The following TBC1D5 variants were observed in gnomAD, a reference collection of about 807,000 sequenced individuals.
TBC1D5 encodes TBC1 domain family member 5, also known as TBC1 domain family, member 5.
Under a neutral mutation model 100.3 loss-of-function variants are expected in TBC1D5, and 75 were observed. That is an observed-to-expected ratio of 0.75 (90% CI 0.62 to 0.91). The LOEUF (loss-of-function observed/expected upper bound fraction) is 0.91, where lower values mean the gene tolerates loss of function less well. Among genes scored for constraint, TBC1D5 ranks in the 40% least tolerant of loss-of-function variants. The pLI is 0.00. For missense variants in TBC1D5, 910 were observed against 942.4 expected, an observed-to-expected ratio of 0.97 and a Z score of 0.45; for synonymous variants, 323 against 325.6, an observed-to-expected ratio of 0.99 and a Z score of 0.09.
At chr3:17,189,452 T>C (rs972372955) in intron 18 of TBC1D5, among the ~76,000 whole-genome samples, 2 of 152,168 alleles carry the variant, frequency 1.3e-5, no homozygotes, top group African/African-American at 2.4e-5. Context: ...CAATTGTAAT[T>C]GGTGCCCTAT....
chr3:17,653,174 A>G (rs1326191544), intron 1 of TBC1D5, among the ~76,000 whole-genome samples: 2 of 152,172 alleles, frequency 1.3e-5, no homozygotes, highest in African/African-American at 4.8e-5. Context: ...GGACAGGTGA[A>G]AAATGATTAA....
intron 16 of TBC1D5, among the ~76,000 whole-genome samples, chr3:17,255,908 C>T (rs1166753927): frequency 3.3e-5 from 5 of 152,028 alleles, no homozygotes; most frequent in Non-Finnish European, 5.9e-5. Context: ...TGGCAGCGTG[C>T]GCCTGTAGTC....
intron 16 of TBC1D5, among the ~76,000 whole-genome samples, chr3:17,254,814 A>C (rs75154913): frequency 0.06 from 8,965 of 149,258 alleles, 517 homozygotes; most frequent in East Asian, 0.17. Context: ...ATATACTAGA[A>C]GAAAAAGCTG....
chr3:17,225,439 C>CA (rs35631452), intron 17 of TBC1D5, among the ~76,000 whole-genome samples: 45,850 of 87,982 alleles, frequency 0.52, 10,233 homozygotes, highest in African/African-American at 0.59. Flanking sequence ...GACTCGGTCT[C>CA]AAAAAAAAAA....
chr3:17,378,142 G>A (rs1453408569), intron 9 of TBC1D5, among the ~76,000 whole-genome samples: 3 of 151,814 alleles, frequency 2.0e-5, no homozygotes, highest in African/African-American at 4.8e-5. Context: ...GATAAAGGGG[G>A]AGAAGGAGGC....
intron 16 of TBC1D5, among the ~76,000 whole-genome samples, chr3:17,250,213 A>G (rs2077068988): frequency 6.6e-6 from 1 of 152,196 alleles, no homozygotes; most frequent in Admixed American, 6.5e-5. Flanking sequence ...TAGTCAAAAT[A>G]TATACTCAAA....
intron 13 of TBC1D5, among the ~76,000 whole-genome samples, chr3:17,340,137 T>TG (rs140473966): frequency 3.3e-5 from 5 of 152,108 alleles, no homozygotes; most frequent in Admixed American, 6.5e-5. Flanking sequence ...TGACGGGTAC[T>TG]GGGGGGTAAA....
At chr3:17,677,295 C>T (rs1577401964) in intron 1 of TBC1D5, among the ~76,000 whole-genome samples, 1 of 152,138 alleles carries the variant, frequency 6.6e-6, no homozygotes, top group East Asian at 1.9e-4. Context: ...TGAACTCAAA[C>T]AAATTTACAA....
At chr3:17,280,119 T>C (rs978797409) in intron 15 of TBC1D5, among the ~76,000 whole-genome samples, 11 of 152,196 alleles carry the variant, frequency 7.2e-5, no homozygotes, top group African/African-American at 2.7e-4. Flanking sequence ...ACGGAGTTGA[T>C]ATAATGTCAC....
At chr3:17,695,422 G>A (rs1269298562) in intron 1 of TBC1D5, among the ~76,000 whole-genome samples, 17 of 151,518 alleles carry the variant, frequency 1.1e-4, no homozygotes, top group Non-Finnish European at 1.0e-4. Flanking sequence ...CAAATGGAAA[G>A]CAAAAAAAAG....
exon 21 of TBC1D5, chr3:17,166,909 C>T: frequency 4.4e-6 from 7 of 1,607,132 alleles, no homozygotes; most frequent in East Asian, 2.2e-5. Context: ...ACGCAGGGAA[C>T]CTTTTAGAAT....
intron 2 of TBC1D5, among the ~76,000 whole-genome samples, chr3:17,546,113 C>T (rs2153434733): frequency 6.6e-6 from 1 of 152,262 alleles, no homozygotes; most frequent in East Asian, 1.9e-4. Context: ...ACCATACCCT[C>T]TTATATAATT....
At chr3:17,238,184 T>A (rs1199316434) in exon 17 of TBC1D5, 3 of 1,613,864 alleles carry the variant, frequency 1.9e-6, no homozygotes, top group South Asian at 1.1e-5. Context: ...TGCACAGGCA[T>A]GCTTTCTGAT....
At position 17,372,058 on chromosome 3, in the gene TBC1D5, A is replaced by ACAAACAAACAAACAAT; in HGVS notation, c.995+16_995+17insATTGTTTGTTTGTTTG. On this transcript the variant is annotated intron_variant, in intron 13 of 21. Transcript: ENST00000253692. ...TCTCAAAAAACAAACAAACAAACAA[A>ACAAACAAACAAACAAT]GAACTTTAATACTTACAACCCATAT... 6.3e-7 allele frequency: 1 copy of ACAAACAAACAAACAAT among 1,588,308 alleles called. No individual in the cohort carries two copies. The highest frequency in any genetic ancestry group is 8.6e-7 in the Non-Finnish European group (1 of 1,166,382).
intron 3 of TBC1D5, among the ~76,000 whole-genome samples, chr3:17,448,409 A>C (rs11922177): frequency 0.061 from 9,237 of 151,944 alleles, 546 homozygotes; most frequent in African/African-American, 0.15. Flanking sequence ...TATTATGATG[A>C]CTCCTTTCCA....
chr3:17,393,854 C>T (rs2093426892), intron 8 of TBC1D5, among the ~76,000 whole-genome samples: 1 of 152,066 alleles, frequency 6.6e-6, no homozygotes, highest in Non-Finnish European at 1.5e-5. Context: ...AACGTAAGAC[C>T]TAAAACCATA....
intron 20 of TBC1D5, among the ~76,000 whole-genome samples, chr3:17,167,439 T>C (rs2066739994): frequency 6.6e-6 from 1 of 152,242 alleles, no homozygotes; most frequent in Non-Finnish European, 1.5e-5. Context: ...ATTCATGAAT[T>C]CATGGATGAA....
chr3:17,244,767 C>A (rs887692376), intron 16 of TBC1D5, among the ~76,000 whole-genome samples: 35 of 152,054 alleles, frequency 2.3e-4, no homozygotes, highest in African/African-American at 7.7e-4. Flanking sequence ...ATATTTATTT[C>A]TTCCATGCTT....
intron 2 of TBC1D5, among the ~76,000 whole-genome samples, chr3:17,517,687 G>A (rs1368536068): frequency 2.0e-5 from 3 of 152,108 alleles, no homozygotes; most frequent in Non-Finnish European, 4.4e-5. Context: ...TTGACATAAA[G>A]TAGACACTAT....
Sources: gnomAD v4.1 joint callset for allele counts (sites outside exome capture counted in the v4.1 genomes callset) on GRCh38, gnomAD v4.1.1 for gene constraint, MANE v1.5 for transcripts, NCBI Gene and HGNC (gene_info 2026-07-23, HGNC 2026-07-21) for gene names.